Variants in ARFGEF1 observed in about 807,000 individuals in gnomAD.
The protein encoded by ARFGEF1 is brefeldin A-inhibited guanine nucleotide-exchange protein 1.
Under a neutral mutation model 231.0 loss-of-function variants are expected in ARFGEF1, and 42 were observed. That is an observed-to-expected ratio of 0.18 (90% confidence interval 0.14 to 0.24). The LOEUF (loss-of-function observed/expected upper bound fraction) is 0.24. ARFGEF1 is among the 10% of genes least tolerant of loss of function. ARFGEF1 has a pLI of 1.00. For synonymous variants in ARFGEF1, 710 were observed against 732.3 expected, an observed-to-expected ratio of 0.97 and a Z score of 0.49; for missense variants, 1,345 against 2,192.0, an observed-to-expected ratio of 0.61 and a Z score of 7.72.
At chr8:67,175,298 T>G, downstream of ARFGEF1, 1 of 1,606,162 alleles carries the variant, frequency 6.2e-7, no homozygotes, top group Non-Finnish European at 8.5e-7. Flanking sequence ...TATACCAGAT[T>G]CAGAAACACG....
At chr8:67,300,849 A>G (rs1478691123) in intron 3 of ARFGEF1, among the ~76,000 whole-genome samples, 1 of 150,898 alleles carries the variant, frequency 6.6e-6, no homozygotes, top group African/African-American at 2.4e-5. Context: ...GTCTCAAAAA[A>G]TTAAAAAAAA....
Position 67,296,488 on chromosome 8 carries a change from G to A in ARFGEF1, c.582C>T (p.Ala194=). ...ASKNLINQTT[A]KATLTQMLNV... is the part of the protein sequence containing the mutation. ...TTAGCATCTGAGTGAGAGTAGCTTT[G>A]GCTGTTGTCTGATTGATGAGATTTT... The change falls in exon 5 of 39, where the codon GCC becomes GCT. Residue 194 remains alanine (A), a synonymous_variant. Transcript: ENST00000262215. 1 of 1,613,894 alleles carries A rather than the reference G, an allele frequency of 6.2e-7. No individual in the cohort carries two copies.
chr8:67,218,546 G>T (rs1368106141), intron 30 of ARFGEF1, among the ~76,000 whole-genome samples: 1 of 151,824 alleles, frequency 6.6e-6, no homozygotes, highest in African/African-American at 2.4e-5. Context: ...GTCCAAATGG[G>T]ATTAGCATAG....
chr8:67,274,796 A>G (rs1805243709), intron 9 of ARFGEF1, among the ~76,000 whole-genome samples: 1 of 152,146 alleles, frequency 6.6e-6, no homozygotes, highest in Non-Finnish European at 1.5e-5. Flanking sequence ...CCAAATTCTT[A>G]TCTCTTTCTC....
chr8:67,181,539 A>G (rs1833043181), intron 5 of ARFGEF1, among the ~76,000 whole-genome samples: 1 of 152,002 alleles, frequency 6.6e-6, no homozygotes, highest in African/African-American at 2.4e-5. Context: ...TAGAGCAAAG[A>G]TACAGCAGTA....
rs564179315 is a variant in ARFGEF1, at chr8:67,257,987, CAG to C, written c.2441+96_2441+97del. 292 of 1,237,676 alleles carry C rather than the reference CAG, an allele frequency of 2.4e-4. 1 individual carries two copies. In the African/African-American group the frequency reaches 3.7e-3, roughly 16 times the overall value. 76.7% of individuals were successfully genotyped at this position (1,237,676 alleles called of 1,614,324 possible). ...TTGTAGACAATCTAAATTCTCTAAA[CAG>C]GGGATTAGGTCCTATTATCTGTAAA... is the stretch of plus-strand genomic sequence containing the variant. On this transcript the variant is annotated intron_variant, in intron 16 of 38. Coordinates refer to ENST00000262215, the MANE Select transcript of ARFGEF1 (RefSeq NM_006421.5).
At chr8:67,294,487 C>CTA (rs1806145829) in intron 5 of ARFGEF1, among the ~76,000 whole-genome samples, 1 of 152,054 alleles carries the variant, frequency 6.6e-6, no homozygotes, top group Non-Finnish European at 1.5e-5. Context: ...AATATAAATG[C>CTA]TATAATCTAC....
intron 1 of ARFGEF1, among the ~76,000 whole-genome samples, chr8:67,333,621 T>A (rs1808207757): frequency 6.6e-6 from 1 of 152,090 alleles, no homozygotes; most frequent in Non-Finnish European, 1.5e-5. Flanking sequence ...GCTGTTCAAT[T>A]TTTTGAAGAA....
intron 19 of ARFGEF1, 68 bp downstream of exon 19, chr8:67,251,231 T>G: frequency 7.1e-7 from 1 of 1,405,896 alleles, no homozygotes; most frequent in Non-Finnish European, 9.4e-7. Context: ...TTCCTTAACT[T>G]AAAAATATTA....
At position 67,300,205 on chromosome 8, in the gene ARFGEF1, C is replaced by T. The variant is rs561129104; in HGVS notation, c.313-850G>A. On this transcript the variant is annotated intron_variant, in intron 3 of 38. Transcript: ENST00000262215. Reference sequence around the variant, plus strand: ...CTTTACATATTATCATTCTAATTTTCCAGTGAAAACAAGATCACAATTCAG... The same window carrying T: ...CTTTACATATTATCATTCTAATTTTTCAGTGAAAACAAGATCACAATTCAG... Among the ~76,000 whole-genome samples the T allele has an allele frequency of 9.2e-5, 14 of 152,244 alleles. No homozygotes were observed. In the East Asian group the frequency reaches 2.7e-3, roughly 29 times the overall value.
chr8:67,311,962 A>G (rs1807088538), intron 1 of ARFGEF1, among the ~76,000 whole-genome samples: 1 of 152,158 alleles, frequency 6.6e-6, no homozygotes, highest in Non-Finnish European at 1.5e-5. Context: ...TCTCTGAAAC[A>G]TGTGCTGTGT....
intron 1 of ARFGEF1, among the ~76,000 whole-genome samples, chr8:67,334,390 A>G (rs1808248497): frequency 6.6e-6 from 1 of 152,150 alleles, no homozygotes; most frequent in Non-Finnish European, 1.5e-5. Flanking sequence ...TCAATGAAGT[A>G]ACACTTCATC....
rs184049828 is a variant in ARFGEF1 at position 67,313,342 on chromosome 8, G to A, written c.125-10876C>T. On this transcript the variant is annotated intron_variant, in intron 1 of 38. Transcript: ENST00000262215. ...GCTGGTAAACTAGTGTGATTTTTGC[G>A]GGATGCTGACAGGCCTAGTTTTGTC... 4.6e-5 allele frequency among the ~76,000 whole-genome samples: 7 copies of A among 152,236 alleles called. No individual in the cohort carries two copies. The East Asian group carries it at 1.4e-3, about 29-fold the overall frequency.
chr8:67,294,430 T>C (rs1806142968), intron 5 of ARFGEF1, among the ~76,000 whole-genome samples: 2 of 152,204 alleles, frequency 1.3e-5, no homozygotes, highest in African/African-American at 4.8e-5. Flanking sequence ...TCTAAGTAAC[T>C]AGAAAATAAT....
Position 67,203,213 on chromosome 8 carries a change from T to C in ARFGEF1, c.4998A>G (p.Gln1666=). 1.9e-6 allele frequency: 3 copies of C among 1,614,238 alleles called. No homozygotes were observed. The highest frequency in any genetic ancestry group is 1.1e-5 in the South Asian group (1 of 91,088). Reference sequence around the variant, plus strand: ...TTAAAAAGCGGTACATTCCTTGGTCTTGAGTATCAACGCGAACATCAAAGT... The same window carrying C: ...TTAAAAAGCGGTACATTCCTTGGTCCTGAGTATCAACGCGAACATCAAAGT... ...AVDFDVRVDT[Q]DQGMYRFLTS... The change falls in exon 36 of 39, where the codon CAA becomes CAG. Residue 1666 remains glutamine (Q), a synonymous_variant. Transcript: ENST00000262215.
chr8:67,341,793 C>T (rs574602958), intron 1 of ARFGEF1, among the ~76,000 whole-genome samples: 61 of 152,134 alleles, frequency 4.0e-4, no homozygotes, highest in Non-Finnish European at 7.6e-4. Context: ...CAACTGTCTT[C>T]TCATACACCG....
chr8:67,220,038 A>G (rs554435565), intron 29 of ARFGEF1, among the ~76,000 whole-genome samples: 2 of 152,012 alleles, frequency 1.3e-5, no homozygotes, highest in African/African-American at 4.8e-5. Context: ...AAGGATTTAC[A>G]AAAAAAAGCC....
chr8:67,204,654 A>AAGC, intron 35 of ARFGEF1, 26 bp downstream of exon 35: 1 of 1,594,664 alleles, frequency 6.3e-7, no homozygotes, highest in Non-Finnish European at 8.6e-7. Context: ...TACACAAAAA[A>AAGC]AGCAGCTGTC....
chr8:67,174,767 G>GA (rs370370213), downstream of ARFGEF1: 520 of 98,330 alleles, frequency 5.3e-3, no homozygotes, highest in South Asian at 6.4e-3. Flanking sequence ...TCCGTCTCAA[G>GA]AAAAAAAAAA....
Sources: allele counts gnomAD v4.1 joint callset (sites outside exome capture counted in the v4.1 genomes callset), GRCh38; gene constraint gnomAD v4.1.1; transcripts MANE v1.5; gene names NCBI Gene and HGNC (gene_info 2026-07-23, HGNC 2026-07-21).